NRG1: variants seen among roughly 807,000 people sequenced by gnomAD.
The protein encoded by NRG1 is pro-neuregulin-1, membrane-bound isoform.
Under a neutral mutation model 63.8 loss-of-function variants are expected in NRG1, and 18 were observed. The observed-to-expected ratio is 0.28, with a 90% CI of 0.19 to 0.42. The LOEUF (loss-of-function observed/expected upper bound fraction) is 0.42, where lower values mean the gene tolerates loss of function less well. Among genes scored for constraint, NRG1 ranks in the 10% least tolerant of loss-of-function variants. The probability of loss-of-function intolerance (pLI) is 1.00; values close to 1 mark genes in which losing one functional copy is unlikely to be tolerated. For missense variants in NRG1, 762 were observed against 814.7 expected (o/e 0.94, Z 0.79); for synonymous variants, 302 against 301.3 (o/e 1.00, Z -0.02).
chr8:32,046,303 G>C (rs147813816), intron 1 of NRG1, among the ~76,000 whole-genome samples: 47 of 152,174 alleles, frequency 3.1e-4, no homozygotes, highest in Non-Finnish European at 5.4e-4. Context: ...ACTACCAACT[G>C]CTGGTAAGGA....
intron 1 of NRG1, among the ~76,000 whole-genome samples, chr8:32,416,847 G>T (rs1056076609): frequency 1.3e-5 from 2 of 151,922 alleles, no homozygotes; most frequent in African/African-American, 4.8e-5. Context: ...CACCACGCTT[G>T]GCTAATTTTT....
chr8:31,777,096 C>T (rs1819223392), intron 1 of NRG1, among the ~76,000 whole-genome samples: 2 of 152,046 alleles, frequency 1.3e-5, no homozygotes, highest in African/African-American at 4.8e-5. Flanking sequence ...CTTTAATTGC[C>T]CTTATGAGAC....
At chr8:32,582,391 C>T (rs929923322) in intron 1 of NRG1, among the ~76,000 whole-genome samples, 5 of 152,190 alleles carry the variant, frequency 3.3e-5, no homozygotes, top group Admixed American at 3.3e-4. Context: ...AGACACGGCG[C>T]CCAGCCTGAG....
intron 1 of NRG1, among the ~76,000 whole-genome samples, chr8:31,885,985 G>T (rs541368371): frequency 2.0e-5 from 3 of 152,010 alleles, no homozygotes; most frequent in African/African-American, 4.8e-5. Flanking sequence ...ACTGGTTAAG[G>T]GAAACAAGAA....
intron 1 of NRG1, among the ~76,000 whole-genome samples, chr8:31,719,196 C>T (rs151316733): frequency 5.5e-4 from 83 of 152,174 alleles, no homozygotes; most frequent in African/African-American, 1.8e-3. Context: ...TTATGGTAAC[C>T]TGTCTTTAAG....
chr8:32,612,479 A>C (rs760453596), intron 3 of NRG1, among the ~76,000 whole-genome samples: 1 of 152,076 alleles, frequency 6.6e-6, no homozygotes, highest in Non-Finnish European at 1.5e-5. Context: ...ATAATCATTA[A>C]AGATATTTTA....
At chr8:32,547,795 C>A (rs1015386839), upstream of NRG1, among the ~76,000 whole-genome samples, 1 of 152,154 alleles carries the variant, frequency 6.6e-6, no homozygotes, top group African/African-American at 2.4e-5. Context: ...AGGAATGAAC[C>A]CCGAACTCTT....
intron 1 of NRG1, among the ~76,000 whole-genome samples, chr8:32,484,981 G>C (rs947583418): frequency 7.9e-5 from 12 of 152,154 alleles, no homozygotes; most frequent in Non-Finnish European, 1.8e-4. Context: ...GAGAATTCTT[G>C]TGCAAAGAAG....
In NRG1 at chr8:32,764,345, A is replaced by G. The variant is rs761969253; in HGVS notation, c.1857A>G (p.Glu619=). 2.5e-6 allele frequency: 4 copies of G among 1,613,200 alleles called. No homozygotes were observed. In the South Asian group the frequency reaches 4.4e-5, roughly 18 times the overall value. Residue 619 remains glutamate, a synonymous_variant, in exon 12 of 12, where the codon GAA becomes GAG. Transcript: ENST00000356819. ...CAGCAGGCCGCTTCTCGACACAGGA[A>G]GAAATCCAGGCCAGGCTGTCTAGTG...
intron 1 of NRG1, among the ~76,000 whole-genome samples, chr8:32,146,083 C>A (rs1325248160): frequency 6.6e-6 from 1 of 152,136 alleles, no homozygotes; most frequent in Non-Finnish European, 1.5e-5. Flanking sequence ...GACATGTGAG[C>A]AAATGGGAAA....
upstream of NRG1, among the ~76,000 whole-genome samples, chr8:32,547,643 C>T (rs1030081813): frequency 6.6e-6 from 1 of 151,782 alleles, no homozygotes; most frequent in Admixed American, 6.6e-5. Flanking sequence ...GGCGCAGACC[C>T]AGCAGGAGAG....
chr8:31,777,816 G>C (rs954659058), intron 1 of NRG1, among the ~76,000 whole-genome samples: 1 of 152,098 alleles, frequency 6.6e-6, no homozygotes, highest in African/African-American at 2.4e-5. Flanking sequence ...GGGGGTGTGT[G>C]GGGAGACTCT....
At chr8:32,348,994 G>A (rs1338028992) in intron 1 of NRG1, among the ~76,000 whole-genome samples, 1 of 152,184 alleles carries the variant, frequency 6.6e-6, no homozygotes, top group Non-Finnish European at 1.5e-5. Flanking sequence ...ATAACTCTTT[G>A]TTGGATAAAT....
chr8:31,742,940 T>G (rs2131410032), intron 1 of NRG1, among the ~76,000 whole-genome samples: 1 of 152,110 alleles, frequency 6.6e-6, no homozygotes, highest in Middle Eastern at 3.4e-3. Context: ...TAGCTGTGTG[T>G]GCAAAAGAAA....
intron 1 of NRG1, among the ~76,000 whole-genome samples, chr8:32,010,526 A>C (rs1344731226): frequency 2.0e-5 from 3 of 152,038 alleles, no homozygotes; most frequent in African/African-American, 7.2e-5. Flanking sequence ...TTGGTACATT[A>C]CTTTTTTTTA....
rs192001152 is a variant in NRG1, at chr8:31,926,070, G to A, written c.37+286639G>A. Reference sequence around the variant, plus strand: ...GGATGATGATCTGTTATCTCAGAGAGGAATGTATTTTCTTCAGGAAGGAAT... The same window carrying A: ...GGATGATGATCTGTTATCTCAGAGAAGAATGTATTTTCTTCAGGAAGGAAT... On this transcript the variant is annotated intron_variant, in intron 1 of 10. Coordinates refer to the NRG1 transcript ENST00000519301. 2.6e-5 allele frequency among the ~76,000 whole-genome samples: 4 copies of A among 152,206 alleles called. No individual in the cohort carries two copies. The East Asian group carries it at 7.7e-4, about 29-fold the overall frequency.
intron 1 of NRG1, among the ~76,000 whole-genome samples, chr8:32,005,423 G>A (rs559736508): frequency 2.0e-5 from 3 of 152,046 alleles, no homozygotes; most frequent in South Asian, 4.1e-4. Flanking sequence ...CTATAAAAAG[G>A]TTTAGATTGG....
At chr8:32,602,303 A>G (rs1392819750) in intron 2 of NRG1, among the ~76,000 whole-genome samples, 1 of 152,118 alleles carries the variant, frequency 6.6e-6, no homozygotes, top group Admixed American at 6.6e-5. Flanking sequence ...CATTACTAGG[A>G]ATAGTATTCC....
intron 5 of NRG1, among the ~76,000 whole-genome samples, chr8:32,648,958 C>G (rs149152314): frequency 9.2e-5 from 14 of 152,308 alleles, no homozygotes; most frequent in Non-Finnish European, 8.8e-5. Context: ...TAGCCTCTCA[C>G]TAGCTTGAGA....
Sources: gnomAD v4.1 joint callset for allele counts (sites outside exome capture counted in the v4.1 genomes callset) on GRCh38, gnomAD v4.1.1 for gene constraint, MANE v1.5 for transcripts, NCBI Gene and HGNC (gene_info 2026-07-23, HGNC 2026-07-21) for gene names.